Variants in KIAA1549L observed in about 807,000 individuals in gnomAD.
KIAA1549L encodes KIAA1549 like.
Under a neutral mutation model 160.7 loss-of-function variants are expected in KIAA1549L, and 88 were observed. That is an observed-to-expected ratio of 0.55 (90% CI 0.46 to 0.65). KIAA1549L has a LOEUF of 0.65. Ranked by LOEUF, KIAA1549L falls within the 30% of genes least tolerant of loss-of-function variation. KIAA1549L has a pLI of 0.00. For missense variants in KIAA1549L, 2,258 were observed against 2,437.5 expected (o/e 0.93, Z 1.55); for synonymous variants, 950 against 976.7 (o/e 0.97, Z 0.51).
At chr11:33,548,166 G>C (rs1055187675) in intron 4 of KIAA1549L, among the ~76,000 whole-genome samples, 4 of 152,148 alleles carry the variant, frequency 2.6e-5, no homozygotes, top group Non-Finnish European at 4.4e-5. Flanking sequence ...TTGGGAGGCC[G>C]AGGCAGGTGA....
At chr11:33,463,413 G>T (rs1851982187) in intron 1 of KIAA1549L, among the ~76,000 whole-genome samples, 2 of 151,604 alleles carry the variant, frequency 1.3e-5, no homozygotes, top group Admixed American at 6.6e-5. Flanking sequence ...AAGTAGTGTT[G>T]AAAGACACAT....
At chr11:33,545,406 G>A in intron 3 of KIAA1549L, 28 bp downstream of exon 3, 1 of 1,579,026 alleles carries the variant, frequency 6.3e-7, no homozygotes, top group South Asian at 1.1e-5. Context: ...TGATCTGAAA[G>A]CAGCAAGCCT....
At chr11:33,637,807 G>T (rs1332257528) in intron 16 of KIAA1549L, among the ~76,000 whole-genome samples, 2 of 152,150 alleles carry the variant, frequency 1.3e-5, no homozygotes, top group Admixed American at 1.3e-4. Flanking sequence ...CCACTCTAAT[G>T]ACCTCATTTA....
intron 1 of KIAA1549L, among the ~76,000 whole-genome samples, chr11:33,498,476 GCTT>G (rs1852870693): frequency 6.6e-6 from 1 of 152,148 alleles, no homozygotes. Flanking sequence ...GTCTGGGATG[GCTT>G]AAACAGTGAG....
At chr11:33,520,682 CCAACACACACACA>C (rs1853463878) in intron 1 of KIAA1549L, among the ~76,000 whole-genome samples, 1 of 131,452 alleles carries the variant, frequency 7.6e-6, no homozygotes, top group African/African-American at 3.3e-5. Context: ...CCCCCCACCC[CCAACACACACACA>C]CACACACACA....
chr11:33,486,171 A>G (rs1428160911), intron 1 of KIAA1549L, among the ~76,000 whole-genome samples: 1 of 152,136 alleles, frequency 6.6e-6, no homozygotes, highest in East Asian at 1.9e-4. Flanking sequence ...TGTTAGGATG[A>G]CTTTTTTTCA....
intron 12 of KIAA1549L, among the ~76,000 whole-genome samples, chr11:33,592,103 A>G (rs1368825771): frequency 6.6e-6 from 1 of 152,184 alleles, no homozygotes; most frequent in Non-Finnish European, 1.5e-5. Flanking sequence ...GTCTAAAAAG[A>G]GTGGGGAGAG....
intron 18 of KIAA1549L, among the ~76,000 whole-genome samples, chr11:33,656,560 C>A (rs1479773504): frequency 1.3e-5 from 2 of 152,162 alleles, no homozygotes; most frequent in Non-Finnish European, 2.9e-5. Context: ...AGTCAGATAT[C>A]TCAATTGCAA....
chr11:33,457,467 G>A (rs1268472905), intron 1 of KIAA1549L, among the ~76,000 whole-genome samples: 2 of 152,210 alleles, frequency 1.3e-5, no homozygotes, highest in Non-Finnish European at 2.9e-5. Flanking sequence ...GCCAGGAAGA[G>A]GCCTAATTTG....
chr11:33,542,013 G>T lies in KIAA1549L; in HGVS notation c.450G>T (p.Arg150Ser). The change falls in exon 2 of 21, where the codon AGG (arginine) becomes AGT (serine). Residue 150 changes from arginine to serine, a missense_variant. Around this residue, in one of 6 missense-constraint regions of KIAA1549L, gnomAD observed 540 missense variants for 465.7 expected, o/e 1.16. Transcript: ENST00000658780. ...TPASKTHHRT[R>S]AHADFSSSLY... ...CGTCCAAGACACACCACAGAACTAGGGCTCACGCGGACTTCTCTTCTTCCC... is the reference window on the plus strand; with the variant it reads ...CGTCCAAGACACACCACAGAACTAGTGCTCACGCGGACTTCTCTTCTTCCC... The T allele has an allele frequency of 4.4e-6, 2 of 452,872 alleles. No homozygotes were observed. The highest frequency in any genetic ancestry group is 3.1e-5 in the South Asian group (2 of 63,962). The allele number at this position is 452,872 out of a possible 1,614,324, so 28.1% of individuals were successfully genotyped here. A position where few individuals can be genotyped will look rare whatever the true frequency, so the allele number is the denominator to read the frequency against.
chr11:33,541,040 C>T (rs1358512558), intron 1 of KIAA1549L, among the ~76,000 whole-genome samples: 3 of 152,184 alleles, frequency 2.0e-5, no homozygotes, highest in Admixed American at 6.5e-5. Flanking sequence ...TCAGAGTGAA[C>T]TTCTAGCTTT....
intron 6 of KIAA1549L, among the ~76,000 whole-genome samples, chr11:33,553,066 G>A (rs1342115112): frequency 6.6e-6 from 1 of 152,204 alleles, no homozygotes; most frequent in Non-Finnish European, 1.5e-5. Context: ...GAGTTAAAGG[G>A]TGATGGGAAA....
intron 15 of KIAA1549L, among the ~76,000 whole-genome samples, chr11:33,614,556 ATATATATATATATATATATATATATATAT>A (rs1850742310): frequency 1.8e-4 from 2 of 11,148 alleles, no homozygotes; most frequent in African/African-American, 4.8e-4. Context: ...ATATATATAT[ATATATATATATATATATATATATATATAT>A]TTTTTTTTTT....
chr11:33,499,029 A>G (rs1462221829), intron 1 of KIAA1549L, among the ~76,000 whole-genome samples: 6 of 152,110 alleles, frequency 3.9e-5, no homozygotes, highest in Admixed American at 1.3e-4. Context: ...ATGAATATGT[A>G]GAGCCTTTTG....
intron 1 of KIAA1549L, among the ~76,000 whole-genome samples, chr11:33,476,099 G>A (rs376406689): frequency 3.9e-5 from 6 of 152,366 alleles, no homozygotes; most frequent in East Asian, 1.9e-4. Flanking sequence ...GAGACGGCAA[G>A]TTTGAATGCT....
At chr11:33,496,131 T>TTTTTGTA (rs1249864694) in intron 1 of KIAA1549L, among the ~76,000 whole-genome samples, 2 of 152,032 alleles carry the variant, frequency 1.3e-5, no homozygotes, top group African/African-American at 4.8e-5. Flanking sequence ...ACCTGGCTAA[T>TTTTTGTA]TTTTGTATTT....
intron 4 of KIAA1549L, among the ~76,000 whole-genome samples, chr11:33,549,726 G>A (rs141257685): frequency 8.5e-4 from 130 of 152,220 alleles, no homozygotes; most frequent in African/African-American, 3.0e-3. Flanking sequence ...CTTCCTGGCC[G>A]GGCACAGTGT....
At chr11:33,589,391 C>T (rs1402862773) in intron 11 of KIAA1549L, among the ~76,000 whole-genome samples, 1 of 152,166 alleles carries the variant, frequency 6.6e-6, no homozygotes, top group Non-Finnish European at 1.5e-5. Context: ...TACCATTTGA[C>T]CCAGCCATCC....
At chr11:33,405,833 C>G (rs1228167853) in intron 1 of KIAA1549L, among the ~76,000 whole-genome samples, 1 of 70,908 alleles carries the variant, frequency 1.4e-5, no homozygotes, top group East Asian at 5.8e-4. Flanking sequence ...CAGAGCCAGT[C>G]TGTCTCAAAA....
Sources: allele counts gnomAD v4.1 joint callset (sites outside exome capture counted in the v4.1 genomes callset), GRCh38; gene constraint gnomAD v4.1.1; regional missense constraint gnomAD v4.1.1; transcripts MANE v1.5; gene names NCBI Gene and HGNC (gene_info 2026-07-23, HGNC 2026-07-21).